The following SLC35F1 variants were observed in gnomAD, a reference collection of about 807,000 sequenced individuals.
SLC35F1 encodes the protein solute carrier family 35 member F1.
A neutral mutation model predicts 48.7 loss-of-function variants in SLC35F1; 14 were observed. The ratio of observed to expected loss-of-function variants is 0.29; its 90% CI spans 0.19 to 0.45. SLC35F1 has a LOEUF of 0.45. Among genes scored for constraint, SLC35F1 ranks in the 20% least tolerant of loss-of-function variants. The pLI is 1.00. For synonymous variants in SLC35F1, 190 were observed against 202.2 expected, an observed-to-expected ratio of 0.94 and a Z score of 0.51; for missense variants, 404 against 500.0, an observed-to-expected ratio of 0.81 and a Z score of 1.83.
chr6:118,250,958 C>G (rs533176257), intron 3 of SLC35F1, among the ~76,000 whole-genome samples: 2 of 151,234 alleles, frequency 1.3e-5, no homozygotes, highest in Non-Finnish European at 2.9e-5. Context: ...GAGCCAGACT[C>G]CATCTCAAAC....
At chr6:117,995,608 G>A (rs759456333) in intron 1 of SLC35F1, among the ~76,000 whole-genome samples, 23 of 152,088 alleles carry the variant, frequency 1.5e-4, no homozygotes, top group African/African-American at 2.4e-4. Context: ...GGGTGTGGTC[G>A]TGGGCACCTG....
intron 3 of SLC35F1, among the ~76,000 whole-genome samples, chr6:118,249,318 G>A (rs1775544421): frequency 6.6e-6 from 1 of 152,168 alleles, no homozygotes; most frequent in Non-Finnish European, 1.5e-5. Flanking sequence ...TCCTGCCCAG[G>A]AGCTGTTCCT....
At chr6:117,973,128 G>A (rs1253340309) in intron 1 of SLC35F1, among the ~76,000 whole-genome samples, 1 of 152,090 alleles carries the variant, frequency 6.6e-6, no homozygotes, top group Non-Finnish European at 1.5e-5. Flanking sequence ...TGGCAGGTTT[G>A]GTATCTTCCA....
chr6:118,136,848 A>G (rs1398120585), intron 1 of SLC35F1, among the ~76,000 whole-genome samples: 1 of 152,210 alleles, frequency 6.6e-6, no homozygotes. Flanking sequence ...TCTGTAAGAA[A>G]ACATTTTATG....
chr6:118,116,934 C>T (rs1252371617), intron 1 of SLC35F1, among the ~76,000 whole-genome samples: 1 of 152,196 alleles, frequency 6.6e-6, no homozygotes, highest in Admixed American at 6.5e-5. Flanking sequence ...GACATTTGCA[C>T]TCATGTGTAT....
chr6:118,119,606 C>T (rs918734459), intron 1 of SLC35F1, among the ~76,000 whole-genome samples: 3 of 149,586 alleles, frequency 2.0e-5, no homozygotes, highest in Non-Finnish European at 4.4e-5. Context: ...TGGGTTCAAG[C>T]GATTCTCCTG....
chr6:117,907,637 C>A lies in SLC35F1; in HGVS notation c.-90C>A. 2.7e-6 allele frequency: 2 copies of A among 734,016 alleles called. No individual in the cohort carries two copies. Among genetic ancestry groups the A allele is most frequent in the Non-Finnish European group, 2.0e-6 (1 of 506,186 alleles). 45.5% of individuals were successfully genotyped at this position (734,016 alleles called of 1,614,324 possible). A position where few individuals can be genotyped will look rare whatever the true frequency, so the allele number is the denominator to read the frequency against. On this transcript the variant is annotated 5_prime_UTR_variant, in exon 1 of 8. Coordinates refer to ENST00000360388, the MANE Select transcript of SLC35F1 (RefSeq NM_001029858.4). Reference sequence around the variant, plus strand: ...CGCCTCCCGGGCCGCGGCCGCCCGGCCGGGTCCTCTGCGCGTTCCCGGGCC... The same window carrying A: ...CGCCTCCCGGGCCGCGGCCGCCCGGACGGGTCCTCTGCGCGTTCCCGGGCC...
chr6:118,099,712 G>A (rs1465451818), intron 1 of SLC35F1, among the ~76,000 whole-genome samples: 1 of 152,166 alleles, frequency 6.6e-6, no homozygotes, highest in East Asian at 1.9e-4. Flanking sequence ...AATTGAGACT[G>A]TCAGTGCCAT....
Position 118,313,186 on chromosome 6 carries a change from C to T in SLC35F1, c.1003-842C>T, listed in dbSNP as rs757098686. ...AGGAGTGAATGAAGGAATGAATGAACGAAACACCAGAAATGGCAATACTCA... is the reference window on the plus strand; with the variant it reads ...AGGAGTGAATGAAGGAATGAATGAATGAAACACCAGAAATGGCAATACTCA... On this transcript the variant is annotated intron_variant, in intron 7 of 7. Coordinates refer to ENST00000360388, the MANE Select transcript of SLC35F1 (RefSeq NM_001029858.4). Among the ~76,000 whole-genome samples, 7 of 152,112 alleles carry T rather than the reference C, an allele frequency of 4.6e-5. No homozygotes were observed. In the East Asian group the frequency reaches 9.6e-4, roughly 21 times the overall value.
At chr6:118,140,582 A>C (rs1404489498) in intron 1 of SLC35F1, among the ~76,000 whole-genome samples, 1 of 141,056 alleles carries the variant, frequency 7.1e-6, no homozygotes, top group Non-Finnish European at 1.5e-5. Context: ...TTAATCTTTT[A>C]GAGTGTATTC....
chr6:117,950,020 C>T (rs952662696), intron 1 of SLC35F1, among the ~76,000 whole-genome samples: 9 of 152,140 alleles, frequency 5.9e-5, no homozygotes, highest in Non-Finnish European at 1.3e-4. Flanking sequence ...GCTTTTTACT[C>T]TGTGTTGCAG....
Position 118,235,589 on chromosome 6 carries a change from T to C in SLC35F1, c.430T>C (p.Tyr144His). 6.2e-7 allele frequency: 1 copy of C among 1,613,490 alleles called. No homozygotes were observed. Among genetic ancestry groups the C allele is most frequent in the Non-Finnish European group, 8.5e-7 (1 of 1,179,628 alleles). The change falls in exon 3 of 8, where the codon TAT becomes CAT. Residue 144 changes from tyrosine (Y) to histidine (H), a missense_variant. Transcript: ENST00000360388. ...GGGACTCATAGACCTGGAAGCAAATTATCTGGTGGTCAAGGCTTACCAATA... is the reference window on the plus strand; with the variant it reads ...GGGACTCATAGACCTGGAAGCAAATCATCTGGTGGTCAAGGCTTACCAATA... ...ILGLIDLEANYLVVKAYQYTT... is the reference protein window; with the variant it reads ...ILGLIDLEANHLVVKAYQYTT...
chr6:117,936,079 G>T lies in SLC35F1; in HGVS notation c.173+28180G>T, dbSNP rs890434082. ...TTTCTTGAACTATTTGATGATTCCTGTATGTGCTCATTGCTGTATTTGAGA... is the reference window on the plus strand; with the variant it reads ...TTTCTTGAACTATTTGATGATTCCTTTATGTGCTCATTGCTGTATTTGAGA... On this transcript the variant is annotated intron_variant, in intron 1 of 7. Transcript: ENST00000360388. Among the ~76,000 whole-genome samples, 2 of 152,298 alleles carry T rather than the reference G, an allele frequency of 1.3e-5. 1 individual carries two copies. Among genetic ancestry groups the T allele is most frequent in the South Asian group, 4.2e-4 (2 of 4,818 alleles).
At chr6:117,993,356 T>G (rs890999613) in intron 1 of SLC35F1, among the ~76,000 whole-genome samples, 3 of 152,180 alleles carry the variant, frequency 2.0e-5, no homozygotes, top group Non-Finnish European at 4.4e-5. Context: ...TTTTTTGAAA[T>G]TATAGTCATT....
At chr6:118,145,915 G>A (rs766812996) in intron 1 of SLC35F1, among the ~76,000 whole-genome samples, 19 of 151,992 alleles carry the variant, frequency 1.3e-4, no homozygotes, top group Non-Finnish European at 1.3e-4. Context: ...TTCCTGTTAC[G>A]GTAAAGATGG....
chr6:118,231,215 T>A (rs1347641258), intron 2 of SLC35F1, among the ~76,000 whole-genome samples: 1 of 152,228 alleles, frequency 6.6e-6, no homozygotes, highest in Non-Finnish European at 1.5e-5. Context: ...TTTAACATAT[T>A]GATAATAAAA....
chr6:118,070,441 C>G (rs1326716779), intron 1 of SLC35F1, among the ~76,000 whole-genome samples: 1 of 152,124 alleles, frequency 6.6e-6, no homozygotes, highest in Non-Finnish European at 1.5e-5. Context: ...AAATTCTACA[C>G]TCTTGAATAG....
chr6:117,981,676 C>T (rs1294249939), intron 1 of SLC35F1, among the ~76,000 whole-genome samples: 4 of 152,072 alleles, frequency 2.6e-5, no homozygotes, highest in South Asian at 4.1e-4. Flanking sequence ...AAAGAGGCTA[C>T]GTGAAGTGGA....
At chr6:118,302,653 A>G (rs969544839) in intron 7 of SLC35F1, among the ~76,000 whole-genome samples, 3 of 152,310 alleles carry the variant, frequency 2.0e-5, no homozygotes, top group Middle Eastern at 3.4e-3. Flanking sequence ...AGCATAACTC[A>G]AAGTTCACTT....
Sources: allele counts gnomAD v4.1 joint callset (sites outside exome capture counted in the v4.1 genomes callset), GRCh38; gene constraint gnomAD v4.1.1; transcripts MANE v1.5; gene names NCBI Gene and HGNC (gene_info 2026-07-23, HGNC 2026-07-21).